Variants in LAMA2 observed in about 807,000 individuals in gnomAD.
LAMA2 encodes laminin subunit alpha 2.
LAMA2 carries 269 observed loss-of-function variants against 364.8 expected under a neutral mutation model. The ratio of observed to expected loss-of-function variants is 0.74; its 90% CI spans 0.67 to 0.82. The LOEUF (loss-of-function observed/expected upper bound fraction) is 0.82. Ranked by LOEUF, LAMA2 falls within the 40% of genes least tolerant of loss-of-function variation. LAMA2 has a pLI of 0.00. For missense variants in LAMA2, 3,807 were observed against 3,873.2 expected (o/e 0.98, Z 0.45); for synonymous variants, 1,379 against 1,370.6 (o/e 1.01, Z -0.14).
At chr6:128,885,154 A>G (rs958238370) in intron 1 of LAMA2, among the ~76,000 whole-genome samples, 2 of 152,194 alleles carry the variant, frequency 1.3e-5, no homozygotes, top group Non-Finnish European at 2.9e-5. Flanking sequence ...ATAGGCTGCT[A>G]TAATCTGCAT....
At chr6:129,245,124 C>T (rs559131545) in intron 12 of LAMA2, among the ~76,000 whole-genome samples, 1 of 152,116 alleles carries the variant, frequency 6.6e-6, no homozygotes, top group African/African-American at 2.4e-5. Context: ...TCTGAATCTC[C>T]CTGAAGAGAA....
intron 3 of LAMA2, among the ~76,000 whole-genome samples, chr6:129,089,818 A>G (rs1774703293): frequency 6.6e-6 from 1 of 152,180 alleles, no homozygotes; most frequent in Non-Finnish European, 1.5e-5. Context: ...GACCTTATTC[A>G]TTCCAATTTG....
intron 12 of LAMA2, among the ~76,000 whole-genome samples, chr6:129,248,641 A>G (rs1033909681): frequency 2.0e-5 from 3 of 152,188 alleles, no homozygotes; most frequent in Non-Finnish European, 2.9e-5. Context: ...CTATGTCCCA[A>G]TATTCTTCCC....
At chr6:129,362,116 T>C (rs1239649350) in intron 32 of LAMA2, among the ~76,000 whole-genome samples, 2 of 152,050 alleles carry the variant, frequency 1.3e-5, no homozygotes, top group African/African-American at 4.8e-5. Context: ...TCCCCAGAAA[T>C]GATCATCGCT....
chr6:129,293,764 G>A (rs999047348), intron 20 of LAMA2, among the ~76,000 whole-genome samples: 1 of 151,960 alleles, frequency 6.6e-6, no homozygotes, highest in African/African-American at 2.4e-5. Context: ...AGAGAATTGA[G>A]GATAGGGCAT....
intron 12 of LAMA2, among the ~76,000 whole-genome samples, chr6:129,225,314 T>C (rs1053302244): frequency 3.9e-5 from 6 of 152,216 alleles, no homozygotes; most frequent in Admixed American, 6.5e-5. Context: ...GTTGAAGGGT[T>C]TTTTGTGACT....
At chr6:128,953,346 G>A (rs1780951548) in intron 1 of LAMA2, among the ~76,000 whole-genome samples, 1 of 151,974 alleles carries the variant, frequency 6.6e-6, no homozygotes, top group Admixed American at 6.6e-5. Context: ...AACATTTTCT[G>A]CTCACAAAAA....
Position 129,260,822 on chromosome 6 carries a change from A to T in LAMA2, c.2208A>T (p.Glu736Asp). ...CAGGGTATACTGGCTCCTCTTGTGA[A>T]GTAAGCTTGCAAGAATGTATCCTTA... ...CPPGYTGSSC[E>D]SCWPRHRRVN... The change falls in exon 15 of 65, where the codon GAA (glutamate) becomes GAT (aspartate). Residue 736 changes from glutamate (E) to aspartate (D), a missense_variant and splice_region_variant. Glu to Asp is a conservative substitution (Grantham distance 45). This residue lies in a region of LAMA2 where 3,333 missense variants were observed against 3,345.7 expected (regional missense o/e 1.00). Transcript: ENST00000421865. 6.4e-7 allele frequency: 1 copy of T among 1,557,748 alleles called. No homozygotes were observed. The highest frequency in any genetic ancestry group is 8.9e-7 in the Non-Finnish European group (1 of 1,128,944).
intron 1 of LAMA2, among the ~76,000 whole-genome samples, chr6:128,951,102 CTG>C (rs1438866775): frequency 6.6e-6 from 1 of 152,084 alleles, no homozygotes; most frequent in African/African-American, 2.4e-5. Context: ...TTGTATTTGT[CTG>C]TGTGAGATTT....
At chr6:129,107,327 C>G (rs965910852) in intron 4 of LAMA2, among the ~76,000 whole-genome samples, 26 of 152,106 alleles carry the variant, frequency 1.7e-4, no homozygotes, top group Admixed American at 6.6e-5. Flanking sequence ...CCTTTTTATT[C>G]TCAAGGTTCA....
At chr6:129,277,932 T>C (rs116896018) in intron 17 of LAMA2, among the ~76,000 whole-genome samples, 1 of 152,304 alleles carries the variant, frequency 6.6e-6, no homozygotes, top group East Asian at 1.9e-4. Context: ...CCAGGTGCAA[T>C]GGCTCATGCC....
chr6:128,966,470 T>TA, intron 1 of LAMA2, among the ~76,000 whole-genome samples: 1 of 151,832 alleles, frequency 6.6e-6, no homozygotes, highest in Middle Eastern at 3.4e-3. Context: ...AATAACAAAA[T>TA]AAAAAATAAG....
intron 16 of LAMA2, among the ~76,000 whole-genome samples, chr6:129,268,339 C>A (rs997736926): frequency 2.0e-5 from 3 of 151,582 alleles, no homozygotes; most frequent in African/African-American, 7.3e-5. Context: ...TTAAAATGTA[C>A]TTTGGGAAAA....
chr6:128,896,409 ATT>A (rs1170937153), intron 1 of LAMA2, among the ~76,000 whole-genome samples: 2 of 140,424 alleles, frequency 1.4e-5, no homozygotes, highest in Non-Finnish European at 3.1e-5. Flanking sequence ...CCCTCCTTCC[ATT>A]TTTTTTTTTT....
chr6:129,270,853 A>T (rs191712660), intron 17 of LAMA2, 102 bp downstream of exon 17: 1 of 1,231,784 alleles, frequency 8.1e-7, no homozygotes, highest in East Asian at 2.4e-5. Flanking sequence ...TAAATAAATA[A>T]TAAACACAGA....
At chr6:129,059,935 T>C (rs762226783) in intron 3 of LAMA2, 39 bp downstream of exon 3, 6 of 1,126,148 alleles carry the variant, frequency 5.3e-6, no homozygotes, top group Non-Finnish European at 8.2e-6. Flanking sequence ...ACTTTTGAAA[T>C]TGCATTTTAC....
At chr6:128,925,726 A>C (rs1242080743) in intron 1 of LAMA2, among the ~76,000 whole-genome samples, 1 of 152,234 alleles carries the variant, frequency 6.6e-6, no homozygotes, top group Non-Finnish European at 1.5e-5. Flanking sequence ...CCAGTGCTCT[A>C]TACAGAGAAA....
intron 8 of LAMA2, among the ~76,000 whole-genome samples, chr6:129,155,506 T>A (rs904156219): frequency 2.0e-5 from 3 of 152,118 alleles, no homozygotes; most frequent in African/African-American, 4.8e-5. Context: ...GTATCTTCTC[T>A]TATGAAGTAG....
At chr6:128,893,844 G>GA (rs1443019763) in intron 1 of LAMA2, among the ~76,000 whole-genome samples, 1 of 151,934 alleles carries the variant, frequency 6.6e-6, no homozygotes, top group Non-Finnish European at 1.5e-5. Context: ...ATAACTTTAT[G>GA]AAAAATAATT....
Sources: allele counts gnomAD v4.1 joint callset (sites outside exome capture counted in the v4.1 genomes callset), GRCh38; gene constraint gnomAD v4.1.1; regional missense constraint gnomAD v4.1.1; transcripts MANE v1.5; gene names NCBI Gene and HGNC (gene_info 2026-07-23, HGNC 2026-07-21).